Variants in FYCO1 observed in about 807,000 individuals in gnomAD.
FYCO1 encodes the protein FYVE and coiled-coil domain-containing protein 1.
A neutral mutation model predicts 165.1 loss-of-function variants in FYCO1; 122 were observed. The observed-to-expected ratio is 0.74, with a 90% CI of 0.64 to 0.86. FYCO1 has a LOEUF of 0.86. Ranked by LOEUF, FYCO1 falls within the 40% of genes least tolerant of loss-of-function variation. The probability of loss-of-function intolerance (pLI) is 0.00; values close to 1 mark genes in which losing one functional copy is unlikely to be tolerated. For synonymous variants in FYCO1, 648 were observed against 742.5 expected, an observed-to-expected ratio of 0.87 and a Z score of 2.07; for missense variants, 1,702 against 1,810.3, an observed-to-expected ratio of 0.94 and a Z score of 1.09.
At chr3:45,946,642 T>C in intron 14 of FYCO1, 2 of 1,614,226 alleles carry the variant, frequency 1.2e-6, no homozygotes, top group East Asian at 4.5e-5. Context: ...CTGGTGCTGG[T>C]CATATCCATC....
intron 11 of FYCO1, among the ~76,000 whole-genome samples, chr3:45,961,407 A>C (rs1366553875): frequency 6.6e-6 from 1 of 152,016 alleles, no homozygotes; most frequent in Non-Finnish European, 1.5e-5. Flanking sequence ...GGTGAAGCCT[A>C]TTTCTACTAA....
chr3:45,966,734 T>C lies in FYCO1; in HGVS notation c.2600A>G (p.Glu867Gly), dbSNP rs760721084. The stretch of plus-strand genomic sequence containing the variant: ...CTCCTGCAGGGCCCGCAGCTCCTCC[T>C]CCCTCTGCTGGGCCTCATCGGCCCT... ...EERADEAQQR[E>G]EELRALQEEL... The change falls in exon 8 of 18, where the codon GAG becomes GGG. Residue 867 changes from glutamate (E) to glycine (G), a missense_variant. Glu to Gly is a moderately conservative substitution (Grantham distance 98). Coordinates refer to ENST00000296137, the MANE Select transcript of FYCO1 (RefSeq NM_024513.4). 2.5e-6 allele frequency: 4 copies of C among 1,611,902 alleles called. No homozygotes were observed. The East Asian group carries it at 8.9e-5, about 36-fold the overall frequency.
At chr3:45,948,971 G>T (rs1285373431) in intron 14 of FYCO1, among the ~76,000 whole-genome samples, 3 of 152,142 alleles carry the variant, frequency 2.0e-5, no homozygotes, top group Non-Finnish European at 4.4e-5. Flanking sequence ...GGGAGAAAAG[G>T]TCCAAAAAAT....
rs1303072353 is a variant in FYCO1 at position 45,994,589 on chromosome 3, T to C, written c.-113+1133A>G. On this transcript the variant is annotated intron_variant, in intron 1 of 17. Transcript: ENST00000296137. ...TGGAGCTCACTCAACAGGGGTCCAC[T>C]TCAGAAGGTGGGAACTACTGAAAGC... 1.2e-4 allele frequency among the ~76,000 whole-genome samples: 18 copies of C among 152,294 alleles called. 1 individual carries two copies. In the East Asian group the frequency reaches 2.9e-3, roughly 24 times the overall value.
At chr3:45,971,264 T>C (rs537723574) in intron 6 of FYCO1, among the ~76,000 whole-genome samples, 3 of 152,300 alleles carry the variant, frequency 2.0e-5, no homozygotes, top group Non-Finnish European at 2.9e-5. Context: ...TACAGTAGAA[T>C]GCCAACTAAT....
intron 16 of FYCO1, 82 bp downstream of exon 16, chr3:45,930,989 C>T (rs1472763435): frequency 3.1e-6 from 4 of 1,290,626 alleles, no homozygotes; most frequent in Non-Finnish European, 4.4e-6. Flanking sequence ...GATAGGATGG[C>T]CACTGCCCTG....
At chr3:45,972,980 G>A (rs1575377184) in intron 6 of FYCO1, 108 bp downstream of exon 6, 1 of 1,118,452 alleles carries the variant, frequency 8.9e-7, no homozygotes, top group East Asian at 2.4e-5. Flanking sequence ...GAACAGGTTT[G>A]TGTAATTTAC....
rs571377626 is a variant in FYCO1 at position 45,956,195 on chromosome 3, G to A, written c.3800-802C>T. Reference sequence around the variant, plus strand: ...TAATAAAAATATAAAAATTAGCCAGGTGTGGTGGCGGGCACCTGTAATCCC... The same window carrying A: ...TAATAAAAATATAAAAATTAGCCAGATGTGGTGGCGGGCACCTGTAATCCC... On this transcript the variant is annotated intron_variant, in intron 13 of 17. Transcript: ENST00000296137. Among the ~76,000 whole-genome samples, 3 of 152,190 alleles carry A rather than the reference G, an allele frequency of 2.0e-5. No individual in the cohort carries two copies. The East Asian group carries it at 5.8e-4, about 29-fold the overall frequency.
chr3:45,966,653 A>G lies in FYCO1; in HGVS notation c.2681T>C (p.Leu894Pro). The G allele has an allele frequency of 6.2e-7, 1 of 1,614,112 alleles. No homozygotes were observed. Among genetic ancestry groups the G allele is most frequent in the Non-Finnish European group, 8.5e-7 (1 of 1,180,036 alleles). ...GTTGGCCCGGTGCAGCTGCTCTTGC[A>G]GCTCAGCGTGCTCCAGCTGTGCTTC... Reference protein sequence around the residue: ...SEEAQLEHAELQEQLHRANTD... With the variant: ...SEEAQLEHAEPQEQLHRANTD... Residue 894 changes from leucine (L) to proline (P), a missense_variant, in exon 8 of 18, where the codon CTG becomes CCG. Transcript: ENST00000296137.
At chr3:45,974,788 G>T (rs1055055022) in intron 5 of FYCO1, among the ~76,000 whole-genome samples, 12 of 137,778 alleles carry the variant, frequency 8.7e-5, no homozygotes, top group African/African-American at 3.4e-4. Flanking sequence ...GCTCTGCAGT[G>T]GCTCCCAGTC....
rs770209802 is a variant in FYCO1 at position 45,931,217 on chromosome 3, C to T, written c.4105G>A (p.Val1369Met). Residue 1369 changes from valine (V) to methionine (M), a missense_variant, in exon 16 of 18, where the codon GTG becomes ATG. Physicochemically the swap from Val to Met is conservative, Grantham distance 21. Coordinates refer to ENST00000296137, the MANE Select transcript of FYCO1 (RefSeq NM_024513.4). ...SFGEGSRELF[V>M]RSSTYSLIPI... ...ATCAGGCTGTAGGTGCTGGACCTCA[C>T]AAACAGCTCCCTGCTACCCTCCCCG... 2 of 1,613,946 alleles carry T rather than the reference C, an allele frequency of 1.2e-6. No homozygotes were observed. Among genetic ancestry groups the T allele is most frequent in the African/African-American group, 2.7e-5 (2 of 74,930 alleles).
intron 4 of FYCO1, among the ~76,000 whole-genome samples, chr3:45,978,577 A>G (rs571617776): frequency 6.6e-6 from 1 of 152,346 alleles, no homozygotes; most frequent in East Asian, 1.9e-4. Context: ...AGCCCTTCCC[A>G]GAATACCTTA....
Position 45,967,424 on chromosome 3 carries a change from C to T in FYCO1, c.1910G>A (p.Gly637Asp). 1 of 1,613,240 alleles carries T rather than the reference C, an allele frequency of 6.2e-7. No individual in the cohort carries two copies. Reference sequence around the variant, plus strand: ...ATCGGCCTGCAGGGCTTGCAGCTTGCCCTCCAGGAGCTGGTTACGCCCGAC... The same window carrying T: ...ATCGGCCTGCAGGGCTTGCAGCTTGTCCTCCAGGAGCTGGTTACGCCCGAC... ...NVVGRNQLLEGKLQALQADYQ... is the reference protein window; with the variant it reads ...NVVGRNQLLEDKLQALQADYQ... Residue 637 changes from glycine (G) to aspartate (D), a missense_variant, in exon 8 of 18, where the codon GGC (glycine) becomes GAC (aspartate). Coordinates refer to ENST00000296137, the MANE Select transcript of FYCO1 (RefSeq NM_024513.4).
chr3:45,993,618 C>T lies in FYCO1; in HGVS notation c.-113+2104G>A, dbSNP rs765203115. Among the ~76,000 whole-genome samples, 48 of 152,346 alleles carry T rather than the reference C, an allele frequency of 3.2e-4. 1 individual carries two copies. The highest frequency in any genetic ancestry group is 6.3e-4 in the Non-Finnish European group (43 of 68,032). On this transcript the variant is annotated intron_variant, in intron 1 of 17. Transcript: ENST00000296137. The surrounding 1 kb of genome is among the most constrained non-coding windows in gnomAD (Gnocchi z 4.4). ...TAAGACAAGAACATAGCAGTCATGA[C>T]GTGAGCAGATGTTGCCCTGACCATA...
In FYCO1 at chr3:45,966,258, T is replaced by C; in HGVS notation, c.3057+19A>G. ...CCCAGGGAGAGGGGTAGAGCCCAAGTGGTTGAAGCTAGGATTACCTTAAGT... is the reference window on the plus strand; with the variant it reads ...CCCAGGGAGAGGGGTAGAGCCCAAGCGGTTGAAGCTAGGATTACCTTAAGT... On this transcript the variant is annotated intron_variant, in intron 8 of 17. Transcript: ENST00000296137. 6.2e-7 allele frequency: 1 copy of C among 1,611,578 alleles called. No homozygotes were observed. The highest frequency in any genetic ancestry group is 1.7e-5 in the Admixed American group (1 of 60,012).
At chr3:45,951,645 G>A (rs192568122) in intron 14 of FYCO1, among the ~76,000 whole-genome samples, 1 of 152,158 alleles carries the variant, frequency 6.6e-6, no homozygotes, top group African/African-American at 2.4e-5. Context: ...GGTGGAGGGT[G>A]GGCCTGAATG....
chr3:45,988,522 G>A (rs1707416038), intron 1 of FYCO1, among the ~76,000 whole-genome samples: 1 of 152,138 alleles, frequency 6.6e-6, no homozygotes, highest in East Asian at 1.9e-4. Context: ...CAGCACCAGC[G>A]TAAGGACTCC....
intron 4 of FYCO1, among the ~76,000 whole-genome samples, chr3:45,979,139 C>T (rs1174017924): frequency 6.6e-6 from 1 of 152,110 alleles, no homozygotes; most frequent in African/African-American, 2.4e-5. Flanking sequence ...GGATTACAGG[C>T]GTGAGCCACC....
chr3:45,930,996 C>A, intron 16 of FYCO1, 75 bp downstream of exon 16: 1 of 1,384,808 alleles, frequency 7.2e-7, no homozygotes, highest in South Asian at 1.2e-5. Context: ...TGGCCACTGC[C>A]CTGCTTTGAG....
Sources: gnomAD v4.1 joint callset for allele counts (sites outside exome capture counted in the v4.1 genomes callset) on GRCh38, gnomAD v4.1.1 for gene constraint, Gnocchi (gnomAD v3.1) non-coding constraint, MANE v1.5 for transcripts, NCBI Gene and HGNC (gene_info 2026-07-23, HGNC 2026-07-21) for gene names.